RBM47: variants seen among roughly 807,000 people sequenced by gnomAD.
RBM47 encodes the protein RNA-binding protein 47.
RBM47 carries 21 observed loss-of-function variants against 47.1 expected under a neutral mutation model. The ratio of observed to expected loss-of-function variants is 0.45; its 90% CI spans 0.32 to 0.64. The LOEUF is 0.64. RBM47 is among the 30% of genes least tolerant of loss of function. The probability of loss-of-function intolerance (pLI) is 0.05; values close to 1 mark genes in which losing one functional copy is unlikely to be tolerated. For missense variants in RBM47, 708 were observed against 870.9 expected (o/e 0.81, Z 2.35); for synonymous variants, 375 against 361.7 (o/e 1.04, Z -0.42).
At chr4:40,481,041 C>T (rs918087623) in intron 2 of RBM47, among the ~76,000 whole-genome samples, 3 of 152,088 alleles carry the variant, frequency 2.0e-5, no homozygotes, top group African/African-American at 7.2e-5. Context: ...TTAACAAGGG[C>T]TCAGGAAGTG....
chr4:40,607,580 G>A (rs758498882), intron 1 of RBM47, among the ~76,000 whole-genome samples: 1 of 152,128 alleles, frequency 6.6e-6, no homozygotes, highest in African/African-American at 2.4e-5. Flanking sequence ...GGTGGCACAC[G>A]CCTCTAATTC....
chr4:40,589,871 T>C (rs1733966901), intron 1 of RBM47, among the ~76,000 whole-genome samples: 1 of 152,178 alleles, frequency 6.6e-6, no homozygotes, highest in Admixed American at 6.6e-5. Flanking sequence ...CATAAGTACC[T>C]GGAGGGGCAA....
At chr4:40,505,359 G>T (rs993261799) in intron 2 of RBM47, among the ~76,000 whole-genome samples, 1 of 151,880 alleles carries the variant, frequency 6.6e-6, no homozygotes, top group Non-Finnish European at 1.5e-5. Flanking sequence ...AGGCATGGTG[G>T]TATGTGCCTG....
At chr4:40,547,715 G>A (rs1729163645) in intron 1 of RBM47, among the ~76,000 whole-genome samples, 1 of 152,182 alleles carries the variant, frequency 6.6e-6, no homozygotes, top group South Asian at 2.1e-4. Context: ...AAACAGGAGA[G>A]CACATGCTCT....
rs1445094997 is a variant in RBM47 at position 40,436,531 on chromosome 4, C to G, written c.1240G>C (p.Gly414Arg). The G allele has an allele frequency of 6.2e-7, 1 of 1,614,218 alleles. No homozygotes were observed. The highest frequency in any genetic ancestry group is 1.7e-5 in the Admixed American group (1 of 60,030). The change falls in exon 5 of 7, where the codon GGG becomes CGG. Residue 414 changes from glycine to arginine, a missense_variant. Physicochemically the swap from Gly to Arg is moderately radical, Grantham distance 125 (BLOSUM62 -2). Coordinates refer to ENST00000295971, the MANE Select transcript of RBM47 (RefSeq NM_001098634.2). ...GRGIYSRYHE[G>R]KGKQQEKGYE... is the part of the protein sequence containing the mutation. The stretch of plus-strand genomic sequence containing the variant: ...CCTTTTTCTTGCTGCTTTCCTTTCC[C>G]TTCATGATATCGGCTATATATACCA...
chr4:40,551,776 G>A (rs1450119491), intron 1 of RBM47, among the ~76,000 whole-genome samples: 1 of 151,238 alleles, frequency 6.6e-6, no homozygotes, highest in Non-Finnish European at 1.5e-5. Context: ...AGCCTCCCAA[G>A]TACCTGGGAT....
intron 3 of RBM47, among the ~76,000 whole-genome samples, chr4:40,457,499 T>C (rs901312540): frequency 6.6e-6 from 1 of 151,930 alleles, no homozygotes; most frequent in Non-Finnish European, 1.5e-5. Flanking sequence ...TGGAATGTAG[T>C]GACACGATCT....
chr4:40,614,448 G>C (rs769433949), intron 1 of RBM47, among the ~76,000 whole-genome samples: 11 of 152,184 alleles, frequency 7.2e-5, no homozygotes, highest in Non-Finnish European at 1.5e-4. Flanking sequence ...TCAATTGTCT[G>C]AGGTGATATA....
chr4:40,463,365 A>C (rs1717455564), intron 3 of RBM47, among the ~76,000 whole-genome samples: 1 of 152,198 alleles, frequency 6.6e-6, no homozygotes, highest in Non-Finnish European at 1.5e-5. Context: ...TCAAAAAAAC[A>C]AAACCACAAG....
At chr4:40,599,739 G>GAAA (rs34255711) in intron 1 of RBM47, among the ~76,000 whole-genome samples, 47,084 of 138,218 alleles carry the variant, frequency 0.34, 7,826 homozygotes, top group South Asian at 0.37. Flanking sequence ...AAATGAATTA[G>GAAA]AAAAAAAAAA....
intron 1 of RBM47, among the ~76,000 whole-genome samples, chr4:40,564,420 G>A (rs1028419107): frequency 6.6e-6 from 1 of 152,192 alleles, no homozygotes; most frequent in African/African-American, 2.4e-5. Context: ...CAGGAAAGCT[G>A]CACACCCAGG....
At position 40,426,002 on chromosome 4, in the gene RBM47, C is replaced by T. The variant is rs1714972041; in HGVS notation, c.1684G>A (p.Ala562Thr). Reference protein sequence around the residue: ...IATLQKNAAAAAAMYGGYAGY... With the variant: ...IATLQKNAAATAAMYGGYAGY... ...GCGTATCCTCCATACATGGCGGCCGCGGCTGCCGCGTTCTTCTGTAGTGTG... is the reference window on the plus strand; with the variant it reads ...GCGTATCCTCCATACATGGCGGCCGTGGCTGCCGCGTTCTTCTGTAGTGTG... Residue 562 changes from alanine to threonine, a missense_variant, in exon 7 of 7, where the codon GCG becomes ACG. Transcript: ENST00000295971. 4 of 1,614,056 alleles carry T rather than the reference C, an allele frequency of 2.5e-6. No individual in the cohort carries two copies. The highest frequency in any genetic ancestry group is 2.5e-6 in the Non-Finnish European group (3 of 1,180,022).
In RBM47 at chr4:40,437,998, T is replaced by C. The variant is rs1182951544; in HGVS notation, c.896A>G (p.Asn299Ser). 1.2e-6 allele frequency: 2 copies of C among 1,613,572 alleles called. No homozygotes were observed. The highest frequency in any genetic ancestry group is 2.7e-5 in the African/African-American group (2 of 74,940). ...CTCCAGCTCAGTGCCGTTGAGGTTG[T>C]TCATGGCATGCACGGCATCCTCGCG... ...TSREDAVHAM[N>S]NLNGTELEGS... is the part of the protein sequence containing the mutation. Residue 299 changes from asparagine to serine, a missense_variant, in exon 4 of 7, where the codon AAC (asparagine) becomes AGC (serine). Transcript: ENST00000295971.
chr4:40,592,586 G>A (rs139746781), intron 1 of RBM47, among the ~76,000 whole-genome samples: 31 of 151,602 alleles, frequency 2.0e-4, no homozygotes, highest in African/African-American at 6.3e-4. Context: ...CACCATGCAC[G>A]CCGAATTTTG....
At chr4:40,553,092 C>T (rs1383503444) in intron 1 of RBM47, among the ~76,000 whole-genome samples, 3 of 151,098 alleles carry the variant, frequency 2.0e-5, no homozygotes, top group Admixed American at 1.3e-4. Flanking sequence ...CTCAGCCTCC[C>T]GAGTAGCCGG....
chr4:40,464,949 G>C (rs1324839468), intron 3 of RBM47, among the ~76,000 whole-genome samples: 1 of 136,028 alleles, frequency 7.4e-6, no homozygotes, highest in African/African-American at 2.7e-5. Flanking sequence ...AACAAAATCA[G>C]AGTAAATACA....
chr4:40,589,829 G>T (rs955426127), intron 1 of RBM47, among the ~76,000 whole-genome samples: 5 of 152,316 alleles, frequency 3.3e-5, no homozygotes, highest in African/African-American at 1.2e-4. Flanking sequence ...GGAACATGAG[G>T]AGCACATAAG....
chr4:40,571,666 T>C lies in RBM47; in HGVS notation c.-239-27160A>G, dbSNP rs10020874. On this transcript the variant is annotated intron_variant, in intron 1 of 6. Coordinates refer to ENST00000295971, the MANE Select transcript of RBM47 (RefSeq NM_001098634.2). ...AGGGTGCGGGATAAAAGACTACACT[T>C]TGGATACAGTGGGCACTGCTCGGGT... Among the ~76,000 whole-genome samples the C allele has an allele frequency of 5.5e-3, 839 of 152,044 alleles. 8 individuals are homozygous for C. Among genetic ancestry groups the C allele is most frequent in the African/African-American group, 0.02 (814 of 41,520 alleles).
chr4:40,625,814 C>T (rs1435892021), intron 1 of RBM47, among the ~76,000 whole-genome samples: 1 of 152,116 alleles, frequency 6.6e-6, no homozygotes, highest in East Asian at 1.9e-4. Context: ...TGAGTGTAAT[C>T]TATAAATAAA....
Sources: allele counts gnomAD v4.1 joint callset (sites outside exome capture counted in the v4.1 genomes callset), GRCh38; gene constraint gnomAD v4.1.1; transcripts MANE v1.5; gene names NCBI Gene and HGNC (gene_info 2026-07-23, HGNC 2026-07-21).